NUMA1: variants seen among roughly 807,000 people sequenced by gnomAD.
NUMA1 encodes SP-H antigen.
NUMA1 carries 62 observed loss-of-function variants against 237.1 expected under a neutral mutation model. That is an observed-to-expected ratio of 0.26 (90% CI 0.21 to 0.32). The LOEUF (loss-of-function observed/expected upper bound fraction) is 0.32, where lower values mean the gene tolerates loss of function less well. NUMA1 is among the 10% of genes least tolerant of loss of function. NUMA1 has a pLI of 1.00. For missense variants in NUMA1, 2,533 were observed against 2,666.5 expected (o/e 0.95, Z 1.10); for synonymous variants, 1,028 against 1,066.1 (o/e 0.96, Z 0.70).
At chr11:72,008,664 T>A in intron 20 of NUMA1, 24 bp downstream of exon 20, 1 of 1,613,434 alleles carries the variant, frequency 6.2e-7, no homozygotes, top group Non-Finnish European at 8.5e-7. Flanking sequence ...TAAACAGACA[T>A]AGGGAGGAAG....
At chr11:72,011,465 AG>A (rs1956158132) in intron 16 of NUMA1, among the ~76,000 whole-genome samples, 1 of 152,224 alleles carries the variant, frequency 6.6e-6, no homozygotes, top group South Asian at 2.1e-4. Context: ...CACAGGGAGT[AG>A]GGGAAAAGAG....
intron 2 of NUMA1, among the ~76,000 whole-genome samples, chr11:72,039,235 A>C (rs1941392247): frequency 6.6e-6 from 1 of 152,238 alleles, no homozygotes. Context: ...CAGACACAAG[A>C]AGCAGGACCA....
At chr11:72,029,957 T>C (rs577041857) in intron 3 of NUMA1, among the ~76,000 whole-genome samples, 1 of 152,296 alleles carries the variant, frequency 6.6e-6, no homozygotes, top group South Asian at 2.1e-4. Flanking sequence ...ATCTTATTAA[T>C]ACATTTTTAT....
Position 72,015,161 on chromosome 11 carries a change from T to G in NUMA1, c.2342A>C (p.Glu781Ala), listed in dbSNP as rs776152992. 1 of 1,613,546 alleles carries G rather than the reference T, an allele frequency of 6.2e-7. No homozygotes were observed. The highest frequency in any genetic ancestry group is 1.7e-5 in the Admixed American group (1 of 60,034). ...CAGCTCCCGCCGCAGGACTTCAGTC[T>G]CAGCCTGATGGGCCTCCCCAAGCTG... ...LQQLGEAHQA[E>A]TEVLRRELAE... Residue 781 changes from glutamate (E) to alanine (A), a missense_variant, in exon 15 of 27, where the codon GAG becomes GCG. Glu to Ala is a moderately radical substitution (Grantham distance 107, BLOSUM62 -1). Transcript: ENST00000393695. The surrounding 1 kb of genome is among the most constrained non-coding windows in gnomAD (Gnocchi z 4.0).
intron 20 of NUMA1, 137 bp from the exon 21 acceptor site, chr11:72,007,572 G>GA: frequency 8.7e-7 from 1 of 1,145,530 alleles, no homozygotes; most frequent in Non-Finnish European, 1.2e-6. Context: ...ATTTTTCAGA[G>GA]GTACCAAGGA....
At chr11:72,007,811 A>G in intron 20 of NUMA1, 1 of 363,990 alleles carries the variant, frequency 2.7e-6, no homozygotes, top group East Asian at 6.6e-5. Context: ...GAACGTGGGC[A>G]TAATCCAATG....
intron 4 of NUMA1, among the ~76,000 whole-genome samples, chr11:72,027,541 AT>A (rs1285880184): frequency 2.1e-5 from 2 of 96,130 alleles, no homozygotes; most frequent in Non-Finnish European, 4.6e-5. Context: ...GGATTTAAGG[AT>A]TTCTATAAGA....
intron 12 of NUMA1, 30 bp from the exon 13 acceptor site, chr11:72,017,857 C>T: frequency 6.8e-7 from 1 of 1,467,100 alleles, no homozygotes; most frequent in East Asian, 2.4e-5. Context: ...ATCCCCATCA[C>T]CCAGAGTCAA....
Position 72,013,036 on chromosome 11 carries a change from G to A in NUMA1, c.4467C>T (p.Thr1489=). Residue 1489 remains threonine (T), a synonymous_variant, in exon 15 of 27, where the codon ACC becomes ACT. Transcript: ENST00000393695. The surrounding 1 kb of genome is among the most constrained non-coding windows in gnomAD (Gnocchi z 6.8). ...ELAAVRADAE[T]RLAEVQREAQ... is the part of the protein sequence containing the mutation. ...CTTCTCGCTGCACCTCAGCCAGACG[G>A]GTCTCAGCATCAGCACGTACGGCTG... 6.2e-7 allele frequency: 1 copy of A among 1,614,136 alleles called. No individual in the cohort carries two copies. The highest frequency in any genetic ancestry group is 1.1e-5 in the South Asian group (1 of 91,078).
At chr11:72,016,665 A>G (rs1415875319) in intron 13 of NUMA1, 135 bp from the exon 14 acceptor site, 1 of 1,152,674 alleles carries the variant, frequency 8.7e-7, no homozygotes, top group South Asian at 1.5e-5. Context: ...GGCCTAGAAA[A>G]AAGCAGAAAC....
At chr11:72,044,306 T>C (rs1320127203) in intron 2 of NUMA1, among the ~76,000 whole-genome samples, 1 of 152,126 alleles carries the variant, frequency 6.6e-6, no homozygotes, top group African/African-American at 2.4e-5. Flanking sequence ...CTATAAGGTG[T>C]CCAACACACT....
intron 2 of NUMA1, among the ~76,000 whole-genome samples, chr11:72,062,406 A>C (rs1280868318): frequency 6.6e-6 from 1 of 152,188 alleles, no homozygotes; most frequent in East Asian, 1.9e-4. Context: ...ATGAGAAATT[A>C]ATAATCAAAG....
intron 20 of NUMA1, 63 bp from the exon 21 acceptor site, chr11:72,007,498 T>G: frequency 6.3e-7 from 1 of 1,582,724 alleles, no homozygotes; most frequent in South Asian, 1.1e-5. Context: ...GTCCAGCCCT[T>G]TTTGAAAGTG....
At position 72,003,461 on chromosome 11, in the gene NUMA1, T is replaced by C; in HGVS notation, c.*66A>G. On this transcript the variant is annotated 3_prime_UTR_variant, in exon 27 of 27. Coordinates refer to ENST00000393695, the MANE Select transcript of NUMA1 (RefSeq NM_006185.4). Reference sequence around the variant, plus strand: ...TGAGAGAAGGCACTGAGAGGGACAGTAGGCGGAGGACCAGGTGAGGTCAGC... The same window carrying C: ...TGAGAGAAGGCACTGAGAGGGACAGCAGGCGGAGGACCAGGTGAGGTCAGC... The C allele has an allele frequency of 6.7e-7, 1 of 1,496,576 alleles. No homozygotes were observed. The highest frequency in any genetic ancestry group is 9.3e-7 in the Non-Finnish European group (1 of 1,072,290). The allele number at this position is 1,496,576 out of a possible 1,614,324, so 92.7% of individuals were successfully genotyped here.
intron 8 of NUMA1, 33 bp downstream of exon 8, chr11:72,021,171 T>G: frequency 6.6e-7 from 1 of 1,512,146 alleles, no homozygotes; most frequent in Non-Finnish European, 9.2e-7. Flanking sequence ...ATTTCAGAGA[T>G]GAGGGGATTC....
In NUMA1 at chr11:72,013,687, C is replaced by A; in HGVS notation, c.3816G>T (p.Leu1272=). Residue 1272 remains leucine, a synonymous_variant, in exon 15 of 27, where the codon CTG becomes CTT. Coordinates refer to ENST00000393695, the MANE Select transcript of NUMA1 (RefSeq NM_006185.4). The surrounding 1 kb of genome is among the most constrained non-coding windows in gnomAD (Gnocchi z 6.8). ...CACTGTTGCTGGCTGTCTCTGCCTG[C>A]AGCAGGCGCAGCCTCTCCTCCAGCT... ...SQKLEERLRL[L]QAETASNSAR... is the part of the protein sequence containing the mutation. 1 of 1,609,128 alleles carries A rather than the reference C, an allele frequency of 6.2e-7. No homozygotes were observed. Among genetic ancestry groups the A allele is most frequent in the Non-Finnish European group, 8.5e-7 (1 of 1,179,976 alleles).
In NUMA1 at chr11:72,017,711, C is replaced by T; in HGVS notation, c.1095G>A (p.Glu365=). 6.2e-7 allele frequency: 1 copy of T among 1,613,450 alleles called. No individual in the cohort carries two copies. Among genetic ancestry groups the T allele is most frequent in the Non-Finnish European group, 8.5e-7 (1 of 1,180,022 alleles). The change falls in exon 13 of 27, where the codon GAG becomes GAA. Residue 365 remains glutamate (E), a synonymous_variant. Coordinates refer to ENST00000393695, the MANE Select transcript of NUMA1 (RefSeq NM_006185.4). ...CCTTGTCCTGCAGGGCTGCGCTGAG[C>T]TCCTTCTCCAGCTGGGCCTGCTTCT... ...WLEKQAQLEK[E]LSAALQDKKC... is the part of the protein sequence containing the mutation.
rs768972695 is a variant in NUMA1, at chr11:72,006,045, C to T, written c.5682G>A (p.Gly1894=). The T allele has an allele frequency of 1.9e-6, 3 of 1,611,524 alleles. No homozygotes were observed. Among genetic ancestry groups the T allele is most frequent in the South Asian group, 2.2e-5 (2 of 90,966 alleles). Residue 1894 remains glycine (G), a synonymous_variant, in exon 22 of 27, where the codon GGG becomes GGA. Coordinates refer to ENST00000393695, the MANE Select transcript of NUMA1 (RefSeq NM_006185.4). Reference sequence around the variant, plus strand: ...CTGTAGTCCCCTCACCTGGAGGGGCCCCACTGGACACCCCGGCCTGGGAAC... The same window carrying T: ...CTGTAGTCCCCTCACCTGGAGGGGCTCCACTGGACACCCCGGCCTGGGAAC... The part of the protein sequence containing the change: ...ARRSQAGVSS[G]APPGRNSFYM...
intron 4 of NUMA1, 175 bp from the exon 5 acceptor site, chr11:72,024,528 G>T: frequency 1.6e-6 from 1 of 609,646 alleles, no homozygotes; most frequent in Non-Finnish European, 2.9e-6. Flanking sequence ...TATCCAGATG[G>T]AACTGTGTGG....
Sources: allele counts gnomAD v4.1 joint callset (sites outside exome capture counted in the v4.1 genomes callset), GRCh38; gene constraint gnomAD v4.1.1; non-coding constraint Gnocchi (gnomAD v3.1); transcripts MANE v1.5; gene names NCBI Gene and HGNC (gene_info 2026-07-23, HGNC 2026-07-21).